Variants in FABP12 observed in about 807,000 individuals in gnomAD.
The protein encoded by FABP12 is fatty acid binding protein 12, also known as fatty acid-binding protein 12.
Under a neutral mutation model 13.7 loss-of-function variants are expected in FABP12, and 19 were observed. The observed-to-expected ratio is 1.39, with a 90% confidence interval of 0.97 to 2.04. The LOEUF (loss-of-function observed/expected upper bound fraction) is 2.04. Among genes scored for constraint, FABP12 ranks in the 30% most tolerant of loss-of-function variants. The pLI is 0.00. For missense variants in FABP12, 182 were observed against 164.2 expected (o/e 1.11, Z -0.59); for synonymous variants, 61 against 57.0 (o/e 1.07, Z -0.32).
At chr8:81,533,504 T>C (rs1033468623) in intron 1 of FABP12, among the ~76,000 whole-genome samples, 5 of 152,214 alleles carry the variant, frequency 3.3e-5, no homozygotes, top group African/African-American at 1.2e-4. Flanking sequence ...CAAGCCACTG[T>C]GTCCTCCACA....
intron 1 of FABP12, among the ~76,000 whole-genome samples, chr8:81,533,454 C>G (rs758648581): frequency 1.3e-5 from 2 of 152,184 alleles, no homozygotes; most frequent in Non-Finnish European, 2.9e-5. Flanking sequence ...GCTTTTCAGA[C>G]GATTCGCTTC....
intron 3 of FABP12, among the ~76,000 whole-genome samples, chr8:81,527,488 A>G (rs1355879676): frequency 6.6e-6 from 1 of 151,858 alleles, no homozygotes; most frequent in Non-Finnish European, 1.5e-5. Context: ...TCAGCCTCCC[A>G]AATAGCTGGG....
intron 1 of FABP12, among the ~76,000 whole-genome samples, chr8:81,556,118 A>AT (rs1423856094): frequency 1.3e-5 from 2 of 152,128 alleles, no homozygotes; most frequent in Non-Finnish European, 2.9e-5. Flanking sequence ...TATAAATAAG[A>AT]TTTTTAAAAT....
intron 1 of FABP12, among the ~76,000 whole-genome samples, chr8:81,576,939 T>C (rs1303269538): frequency 6.6e-6 from 1 of 152,234 alleles, no homozygotes; most frequent in East Asian, 1.9e-4. Context: ...GTTATTTCTG[T>C]TTATGGCATT....
At chr8:81,588,422 GGGATT>G (rs1284335924) in intron 1 of FABP12, among the ~76,000 whole-genome samples, 1 of 152,146 alleles carries the variant, frequency 6.6e-6, no homozygotes, top group Admixed American at 6.5e-5. Flanking sequence ...TATTACAAAT[GGGATT>G]GCTTACTTGA....
chr8:81,584,547 C>A (rs188877155), intron 1 of FABP12, among the ~76,000 whole-genome samples: 10 of 149,444 alleles, frequency 6.7e-5, no homozygotes, highest in African/African-American at 2.5e-4. Flanking sequence ...GCTGCATTGC[C>A]CTAGATTAGG....
chr8:81,584,445 C>T (rs889960541), intron 1 of FABP12, among the ~76,000 whole-genome samples: 2 of 152,174 alleles, frequency 1.3e-5, no homozygotes, highest in African/African-American at 4.8e-5. Context: ...CCTCCATTGC[C>T]ACAGCAGATA....
At chr8:81,585,156 A>G (rs896553174) in intron 1 of FABP12, among the ~76,000 whole-genome samples, 4 of 152,182 alleles carry the variant, frequency 2.6e-5, no homozygotes, top group Non-Finnish European at 5.9e-5. Flanking sequence ...AAAATCTGCC[A>G]AGACCAATGT....
chr8:81,561,977 A>G (rs1809731018), intron 1 of FABP12, among the ~76,000 whole-genome samples: 1 of 152,220 alleles, frequency 6.6e-6, no homozygotes, highest in Non-Finnish European at 1.5e-5. Context: ...TATCCAGAGA[A>G]GTGCTTGTGT....
intron 2 of FABP12, 27 bp from the exon 3 acceptor site, chr8:81,529,637 T>C (rs371169659): frequency 8.2e-5 from 130 of 1,588,846 alleles, no homozygotes; most frequent in Non-Finnish European, 1.1e-4. Context: ...AGGAGTATTA[T>C]CTTTTTGCAT....
chr8:81,558,447 A>G lies in FABP12; in HGVS notation c.-184-18704T>C, dbSNP rs1809659107. Among the ~76,000 whole-genome samples, 3 of 152,236 alleles carry G rather than the reference A, an allele frequency of 2.0e-5. No individual in the cohort carries two copies. The South Asian group carries it at 6.2e-4, about 32-fold the overall frequency. On this transcript the variant is annotated intron_variant, in intron 1 of 5. Coordinates refer to the FABP12 transcript ENST00000692030. ...GAGCCCCCTCCTCCATCTTTCCTGC[A>G]CCACAGTGAGCCAGCCCTGCCTACC...
chr8:81,558,448 C>T (rs1307198684), intron 1 of FABP12, among the ~76,000 whole-genome samples: 1 of 152,184 alleles, frequency 6.6e-6, no homozygotes, highest in Non-Finnish European at 1.5e-5. Context: ...CTTTCCTGCA[C>T]CACAGTGAGC....
intron 1 of FABP12, among the ~76,000 whole-genome samples, chr8:81,543,686 AT>A (rs1809389294): frequency 6.6e-6 from 1 of 152,240 alleles, no homozygotes; most frequent in South Asian, 2.1e-4. Context: ...ATTGTCTTAG[AT>A]GGTGAGGTTA....
intron 1 of FABP12, among the ~76,000 whole-genome samples, chr8:81,562,819 C>T (rs966101444): frequency 1.3e-5 from 2 of 152,204 alleles, no homozygotes; most frequent in Non-Finnish European, 2.9e-5. Flanking sequence ...GATGGCATCT[C>T]TGGACCTGCA....
At chr8:81,554,707 A>G (rs530259628) in intron 1 of FABP12, among the ~76,000 whole-genome samples, 154 of 152,260 alleles carry the variant, frequency 1.0e-3, no homozygotes, top group African/African-American at 3.7e-3. Context: ...ATCTAAGACA[A>G]GGTGTCCAAT....
At chr8:81,539,788 G>A (rs975140890) in intron 1 of FABP12, among the ~76,000 whole-genome samples, 1 of 152,190 alleles carries the variant, frequency 6.6e-6, no homozygotes, top group Non-Finnish European at 1.5e-5. Flanking sequence ...CAGGCAGCCT[G>A]AAGGCCTATG....
intron 1 of FABP12, among the ~76,000 whole-genome samples, chr8:81,553,712 T>C (rs1419548752): frequency 6.6e-6 from 1 of 152,214 alleles, no homozygotes; most frequent in Non-Finnish European, 1.5e-5. Context: ...TTTCATAAGT[T>C]TTAGTTTCTG....
chr8:81,578,822 A>ATTTTTTT (rs1176379099), intron 1 of FABP12, among the ~76,000 whole-genome samples: 1 of 13,286 alleles, frequency 7.5e-5, no homozygotes. Context: ...CATTTGTTCA[A>ATTTTTTT]GTTTTTTTTT....
intron 1 of FABP12, among the ~76,000 whole-genome samples, chr8:81,568,622 C>A (rs1356004403): frequency 6.6e-6 from 1 of 152,148 alleles, no homozygotes; most frequent in African/African-American, 2.4e-5. Context: ...AGCAACACCA[C>A]GGCTAGGTAA....
Sources: gnomAD v4.1 joint callset for allele counts (sites outside exome capture counted in the v4.1 genomes callset) on GRCh38, gnomAD v4.1.1 for gene constraint, MANE v1.5 for transcripts, NCBI Gene and HGNC (gene_info 2026-07-23, HGNC 2026-07-21) for gene names.